The following IAH1 variants were observed in gnomAD, a reference collection of about 807,000 sequenced individuals.
IAH1 encodes isoamyl acetate hydrolyzing esterase 1 (putative).
Under a neutral mutation model 26.7 loss-of-function variants are expected in IAH1, and 24 were observed. That is an observed-to-expected ratio of 0.90 (90% confidence interval 0.65 to 1.26). The LOEUF (loss-of-function observed/expected upper bound fraction) is 1.26, where lower values mean the gene tolerates loss of function less well. Ranked by LOEUF, IAH1 falls within the 50% of genes most tolerant of loss-of-function variation. The pLI, the probability that IAH1 is intolerant of heterozygous loss-of-function variation, is 0.00. For missense variants in IAH1, 300 were observed against 299.9 expected, an observed-to-expected ratio of 1.00 and a Z score of 0.00; for synonymous variants, 140 against 118.5, an observed-to-expected ratio of 1.18 and a Z score of -1.18.
Position 9,489,596 on chromosome 2 carries a change from C to T in IAH1, c.*1267C>T, listed in dbSNP as rs1004724744. The T allele has an allele frequency of 2.0e-5, 3 of 152,110 alleles. No individual in the cohort carries two copies. Among genetic ancestry groups the T allele is most frequent in the African/African-American group, 7.3e-5 (3 of 41,218 alleles). 9.4% of individuals were successfully genotyped at this position (152,110 alleles called of 1,614,324 possible). Reference sequence around the variant, plus strand: ...TTAGAATTATGAAGAGCCATATTAACCCAAATGATTTCTAAATTTAGATAT... The same window carrying T: ...TTAGAATTATGAAGAGCCATATTAATCCAAATGATTTCTAAATTTAGATAT... On this transcript the variant is annotated 3_prime_UTR_variant, in exon 6 of 6. Coordinates refer to ENST00000497473, the MANE Select transcript of IAH1 (RefSeq NM_001039613.3).
At chr2:9,481,975 G>GT in intron 4 of IAH1, among the ~76,000 whole-genome samples, 1 of 151,620 alleles carries the variant, frequency 6.6e-6, no homozygotes, top group South Asian at 2.1e-4. Context: ...GTTCAAACCT[G>GT]TGTTGTTCAA....
downstream of IAH1, among the ~76,000 whole-genome samples, chr2:9,497,955 C>G (rs761876533): frequency 3.3e-5 from 5 of 152,140 alleles, no homozygotes; most frequent in Admixed American, 6.5e-5. Flanking sequence ...CAGCAATGAT[C>G]AAATCTATTA....
At chr2:9,476,113 T>A in intron 2 of IAH1, 74 bp downstream of exon 2, 1 of 1,288,164 alleles carries the variant, frequency 7.8e-7, no homozygotes, top group Non-Finnish European at 1.1e-6. Flanking sequence ...GGATGAAGGA[T>A]AGTTCTGAAC....
Position 9,489,724 on chromosome 2 carries a change from G to GAAA in IAH1, c.*1395_*1396insAAA, listed in dbSNP as rs1661936439. 1 of 45,692 alleles carries GAAA rather than the reference G, an allele frequency of 2.2e-5. No individual in the cohort carries two copies. Among genetic ancestry groups the GAAA allele is most frequent in the African/African-American group, 1.2e-4 (1 of 8,414 alleles). The allele number at this position is 45,692 out of a possible 1,614,324, so 2.8% of individuals were successfully genotyped here. On this transcript the variant is annotated 3_prime_UTR_variant, in exon 6 of 6. Coordinates refer to ENST00000497473, the MANE Select transcript of IAH1 (RefSeq NM_001039613.3). ...TTATCTCCTTTGTTTTTAGTTGAAG[G>GAAA]CAAAAAAAAAAAAAAAAAAAAAAAA... is the stretch of plus-strand genomic sequence containing the variant.
At chr2:9,498,178 C>T (rs760513618), downstream of IAH1, among the ~76,000 whole-genome samples, 1 of 151,994 alleles carries the variant, frequency 6.6e-6, no homozygotes, top group South Asian at 2.1e-4. Context: ...TTCAGGCGTA[C>T]GCCACCATAC....
intron 2 of IAH1, 70 bp downstream of exon 2, chr2:9,476,109 A>C: frequency 7.5e-7 from 1 of 1,324,538 alleles, no homozygotes; most frequent in South Asian, 1.2e-5. Flanking sequence ...TTATGGATGA[A>C]GGATAGTTCT....
At chr2:9,486,360 A>G (rs970479320) in intron 5 of IAH1, 4 of 152,214 alleles carry the variant, frequency 2.6e-5, no homozygotes, top group Admixed American at 6.5e-5. Flanking sequence ...TTGTCTAGGA[A>G]AGGAAACTGC....
At chr2:9,478,920 G>A (rs1185343727) in intron 3 of IAH1, among the ~76,000 whole-genome samples, 16 of 152,162 alleles carry the variant, frequency 1.1e-4, no homozygotes, top group East Asian at 1.9e-4. Context: ...AGCCTTCTGC[G>A]TGCTATCGAC....
At chr2:9,503,366 G>C in the IAH1 span, among the ~76,000 whole-genome samples, 1 of 151,992 alleles carries the variant, frequency 6.6e-6, no homozygotes, top group Non-Finnish European at 1.5e-5. Context: ...TGAAAACCTG[G>C]GTAACTTTCT....
the IAH1 span, among the ~76,000 whole-genome samples, chr2:9,511,647 AT>A: frequency 2.0e-5 from 3 of 151,998 alleles, no homozygotes; most frequent in African/African-American, 7.3e-5. Context: ...TAAAGCTAAA[AT>A]TTTTTTTCCA....
the IAH1 span, among the ~76,000 whole-genome samples, chr2:9,511,902 C>T: frequency 1.4e-4 from 22 of 151,858 alleles, no homozygotes; most frequent in Non-Finnish European, 2.8e-4. Context: ...ACCCAGGAGG[C>T]GGAGGTTGCT....
At chr2:9,480,654 T>C (rs1661115832) in intron 3 of IAH1, among the ~76,000 whole-genome samples, 1 of 152,156 alleles carries the variant, frequency 6.6e-6, no homozygotes, top group Non-Finnish European at 1.5e-5. Flanking sequence ...GTAGGAACAT[T>C]GGTGACTTTT....
At chr2:9,491,130 A>T (rs762334638), downstream of IAH1, 1 of 1,613,290 alleles carries the variant, frequency 6.2e-7, no homozygotes, top group South Asian at 1.1e-5. Flanking sequence ...AGAGATTCAT[A>T]CTGTTTATCC....
chr2:9,502,384 C>T, the IAH1 span: 1 of 920,052 alleles, frequency 1.1e-6, no homozygotes, highest in Non-Finnish European at 1.7e-6. Flanking sequence ...GGGAAGACCT[C>T]CTGGCTCCGT....
chr2:9,512,147 G>GA, the IAH1 span, among the ~76,000 whole-genome samples: 2 of 151,472 alleles, frequency 1.3e-5, no homozygotes, highest in South Asian at 2.1e-4. Flanking sequence ...ACCGTAGTGG[G>GA]AAAAAAAACT....
chr2:9,498,299 T>C (rs1488283077), downstream of IAH1, among the ~76,000 whole-genome samples: 1 of 152,192 alleles, frequency 6.6e-6, no homozygotes, highest in Non-Finnish European at 1.5e-5. Context: ...TTCCAAGTGC[T>C]GGAATGATAG....
chr2:9,476,793 A>T (rs1404393699), intron 2 of IAH1, among the ~76,000 whole-genome samples: 1 of 152,244 alleles, frequency 6.6e-6, no homozygotes, highest in Non-Finnish European at 1.5e-5. Context: ...GAATGTCATC[A>T]GTTAAGGCAG....
chr2:9,503,931 T>A, the IAH1 span, among the ~76,000 whole-genome samples: 1 of 151,502 alleles, frequency 6.6e-6, no homozygotes, highest in Non-Finnish European at 1.5e-5. Context: ...GAAGGGTGGA[T>A]CACTTGAGCC....
chr2:9,511,247 G>C, the IAH1 span, among the ~76,000 whole-genome samples: 2 of 151,918 alleles, frequency 1.3e-5, no homozygotes, highest in African/African-American at 4.8e-5. Context: ...TCAGGAGTTC[G>C]AGACCAGCCT....
Sources: allele counts gnomAD v4.1 joint callset (sites outside exome capture counted in the v4.1 genomes callset), GRCh38; gene constraint gnomAD v4.1.1; transcripts MANE v1.5; gene names NCBI Gene and HGNC (gene_info 2026-07-23, HGNC 2026-07-21).